SGK1: variants seen among roughly 807,000 people sequenced by gnomAD.
SGK1 encodes the protein serum/glucocorticoid regulated kinase 1, also known as serine/threonine-protein kinase Sgk1.
A neutral mutation model predicts 64.2 loss-of-function variants in SGK1; 26 were observed. The observed-to-expected ratio is 0.40, with a 90% confidence interval of 0.30 to 0.56. The LOEUF (loss-of-function observed/expected upper bound fraction) is 0.56, where lower values mean the gene tolerates loss of function less well. Among genes scored for constraint, SGK1 ranks in the 20% least tolerant of loss-of-function variants. The pLI is 0.38. For synonymous variants in SGK1, 265 were observed against 239.7 expected (o/e 1.11, Z -0.98); for missense variants, 519 against 645.6 (o/e 0.80, Z 2.12).
chr6:134,223,554 G>GA (rs1391716815), intron 2 of SGK1, among the ~76,000 whole-genome samples: 1 of 151,992 alleles, frequency 6.6e-6, no homozygotes, highest in African/African-American at 2.4e-5. Context: ...GACATGAGAG[G>GA]AAAAAATAGA....
rs1582766800 is a variant in SGK1 at position 134,290,350 on chromosome 6, GAA to G, written c.69+27040_69+27041del. Among the ~76,000 whole-genome samples, 8 of 147,036 alleles carry G rather than the reference GAA, an allele frequency of 5.4e-5. No homozygotes were observed. In the East Asian group the frequency reaches 1.6e-3, roughly 29 times the overall value. ...AAAAAAAAAAGAAAAGAAAAGAAAAGAAAAGAAAAAGACTTGTTGGAGCCTAC... is the reference window on the plus strand; with the variant it reads ...AAAAAAAAAAGAAAAGAAAAGAAAAGAAGAAAAAGACTTGTTGGAGCCTAC... On this transcript the variant is annotated intron_variant, in intron 1 of 13. Coordinates refer to ENST00000367858, the MANE Select transcript of SGK1 (RefSeq NM_001143676.3).
At chr6:134,217,574 C>T (rs767374234) in intron 2 of SGK1, among the ~76,000 whole-genome samples, 58 of 152,188 alleles carry the variant, frequency 3.8e-4, no homozygotes, top group Non-Finnish European at 1.2e-4. Flanking sequence ...AATGTGGCCA[C>T]ATTATCTCAC....
rs2114809289 is a variant in SGK1, at chr6:134,317,934, T to C, written c.-474A>G. ...ATTGTGCAAGTTCCAGTGGGAGCTG[T>C]AGTTAAGCAGCTGAGAGAAGGAGTA... On this transcript the variant is annotated 5_prime_UTR_variant, in exon 1 of 14. Coordinates refer to ENST00000367858, the MANE Select transcript of SGK1 (RefSeq NM_001143676.3). 1 of 155,332 alleles carries C rather than the reference T, an allele frequency of 6.4e-6. No homozygotes were observed. Among genetic ancestry groups the C allele is most frequent in the South Asian group, 2.0e-4 (1 of 4,988 alleles). 9.6% of individuals were successfully genotyped at this position (155,332 alleles called of 1,614,324 possible). A position where few individuals can be genotyped will look rare whatever the true frequency, so the allele number is the denominator to read the frequency against.
intron 3 of SGK1, among the ~76,000 whole-genome samples, chr6:134,184,107 C>A (rs1444091748): frequency 6.6e-6 from 1 of 152,010 alleles, no homozygotes; most frequent in Non-Finnish European, 1.5e-5. Context: ...CTAGTGTCTG[C>A]CCGAGGGACT....
intron 1 of SGK1, among the ~76,000 whole-genome samples, chr6:134,294,709 TG>T (rs1777318878): frequency 6.6e-6 from 1 of 152,090 alleles, no homozygotes. Flanking sequence ...AGCTAATTTT[TG>T]TATTTTTAGT....
At position 134,249,966 on chromosome 6, in the gene SGK1, C is replaced by T. The variant is rs182500535; in HGVS notation, c.285+11967G>A. On this transcript the variant is annotated intron_variant, in intron 2 of 13. Coordinates refer to ENST00000367858, the MANE Select transcript of SGK1 (RefSeq NM_001143676.3). ...TTTCTAATCTACAAAGACCTATAAC[C>T]TCTGCTCCCCACGTTACTTAACTAG... 1.6e-4 allele frequency among the ~76,000 whole-genome samples: 24 copies of T among 152,278 alleles called. 1 individual carries two copies. In the East Asian group the frequency reaches 4.6e-3, roughly 29 times the overall value.
At chr6:134,177,676 T>G (rs1362983550) in intron 3 of SGK1, 5 of 1,613,040 alleles carry the variant, frequency 3.1e-6, no homozygotes, top group South Asian at 1.1e-5. Context: ...TCAAAGGGGG[T>G]TTTATAGCTT....
chr6:134,265,613 T>C lies in SGK1; in HGVS notation c.70-3465A>G, dbSNP rs868201127. The stretch of plus-strand genomic sequence containing the variant: ...TATACATATACATATATATTTTATA[T>C]ATATACATATATATATATACATATA... On this transcript the variant is annotated intron_variant, in intron 1 of 13. Transcript: ENST00000367858. Among the ~76,000 whole-genome samples, 1,301 of 134,698 alleles carry C rather than the reference T, an allele frequency of 9.7e-3. 21 individuals are homozygous for C. Among genetic ancestry groups the C allele is most frequent in the African/African-American group, 0.037 (1,228 of 33,374 alleles). The allele number at this position is 134,698 out of a possible 152,430, so 88.4% of individuals were successfully genotyped here.
At chr6:134,296,327 C>T (rs1777346544) in intron 1 of SGK1, among the ~76,000 whole-genome samples, 1 of 152,078 alleles carries the variant, frequency 6.6e-6, no homozygotes, top group South Asian at 2.1e-4. Context: ...GGCTGGAGTG[C>T]AGTGGGGCAA....
chr6:134,191,835 A>ATGTTTTTTTTTTTTTTTTTTTT (rs1775516536), intron 3 of SGK1, among the ~76,000 whole-genome samples: 2 of 61,204 alleles, frequency 3.3e-5, no homozygotes, highest in African/African-American at 1.3e-4. Flanking sequence ...CGCCCGGCTG[A>ATGTTTTTTTTTTTTTTTTTTTT]TTTTTTTTTT....
intron 2 of SGK1, among the ~76,000 whole-genome samples, chr6:134,249,741 T>A (rs1776578742): frequency 6.6e-6 from 1 of 152,204 alleles, no homozygotes; most frequent in Non-Finnish European, 1.5e-5. Flanking sequence ...GGGAGAGGAT[T>A]CAGCATTCTG....
intron 2 of SGK1, among the ~76,000 whole-genome samples, chr6:134,227,155 G>C (rs1383429741): frequency 4.6e-5 from 7 of 151,978 alleles, no homozygotes; most frequent in Admixed American, 4.6e-4. Context: ...TTTTGAGATG[G>C]AGTCTCACTC....
chr6:134,279,605 C>T (rs766942156), intron 1 of SGK1, among the ~76,000 whole-genome samples: 1 of 151,994 alleles, frequency 6.6e-6, no homozygotes, highest in African/African-American at 2.4e-5. Flanking sequence ...TAGTATATAA[C>T]CCAAAATGCA....
rs377604662 is a variant in SGK1 at position 134,294,817 on chromosome 6, C to A, written c.69+22575G>T. On this transcript the variant is annotated intron_variant, in intron 1 of 13. Transcript: ENST00000367858. ...TGCTGGGAATACAGGCGTGAGCTAC[C>A]ACGCCCAGCCAGTGAATCTTTATTA... is the stretch of plus-strand genomic sequence containing the variant. Among the ~76,000 whole-genome samples, 58 of 152,296 alleles carry A rather than the reference C, an allele frequency of 3.8e-4. 1 individual carries two copies. The South Asian group carries it at 9.3e-3, about 24-fold the overall frequency.
At chr6:134,197,703 G>A (rs997941605) in intron 3 of SGK1, among the ~76,000 whole-genome samples, 40 of 151,954 alleles carry the variant, frequency 2.6e-4, no homozygotes, top group Admixed American at 2.1e-3. Context: ...GCGGATGCCC[G>A]TAATATCAGC....
intron 3 of SGK1, among the ~76,000 whole-genome samples, chr6:134,184,176 T>C (rs1775382622): frequency 6.6e-6 from 1 of 151,934 alleles, no homozygotes; most frequent in Admixed American, 6.6e-5. Flanking sequence ...CATGGCTGGC[T>C]CCTTCTTGTC....
chr6:134,174,148 G>T (rs1300631806), intron 4 of SGK1, 68 bp from the exon 5 acceptor site: 2 of 1,165,276 alleles, frequency 1.7e-6, no homozygotes, highest in African/African-American at 1.6e-5. Context: ...CATCAAAAGT[G>T]AGTTTCTGGC....
At position 134,207,442 on chromosome 6, in the gene SGK1, T is replaced by C; in HGVS notation, c.286-11A>G. 1 of 1,592,660 alleles carries C rather than the reference T, an allele frequency of 6.3e-7. No individual in the cohort carries two copies. The highest frequency in any genetic ancestry group is 8.6e-7 in the Non-Finnish European group (1 of 1,161,750). ...ACATGGCTCTCTCACCTTTAAAACA[T>C]AAAGAGAAAAGAAGTGATATAAAAA... On this transcript the variant is annotated splice_polypyrimidine_tract_variant and intron_variant, in intron 2 of 13. Coordinates refer to ENST00000367858, the MANE Select transcript of SGK1 (RefSeq NM_001143676.3).
At chr6:134,222,582 C>T (rs898717550) in intron 2 of SGK1, among the ~76,000 whole-genome samples, 2 of 152,054 alleles carry the variant, frequency 1.3e-5, no homozygotes, top group East Asian at 3.9e-4. Flanking sequence ...GTGATCCACC[C>T]ACCTCATCCT....
Sources: gnomAD v4.1 joint callset for allele counts (sites outside exome capture counted in the v4.1 genomes callset) on GRCh38, gnomAD v4.1.1 for gene constraint, MANE v1.5 for transcripts, NCBI Gene and HGNC (gene_info 2026-07-23, HGNC 2026-07-21) for gene names.